The following GRIN2A variants were observed in gnomAD, a reference collection of about 807,000 sequenced individuals.
GRIN2A encodes the protein glutamate receptor ionotropic, NMDA 2A.
Under a neutral mutation model 113.4 loss-of-function variants are expected in GRIN2A, and 22 were observed. The observed-to-expected ratio is 0.19, with a 90% confidence interval of 0.14 to 0.28. The LOEUF (loss-of-function observed/expected upper bound fraction) is 0.28. Among genes scored for constraint, GRIN2A ranks in the 10% least tolerant of loss-of-function variants. GRIN2A has a pLI of 1.00. For synonymous variants in GRIN2A, 827 were observed against 738.4 expected (o/e 1.12, Z -1.94); for missense variants, 1,502 against 1,887.0 (o/e 0.80, Z 3.78).
At chr16:9,845,013 G>T (rs2042746902) in intron 5 of GRIN2A, among the ~76,000 whole-genome samples, 1 of 152,134 alleles carries the variant, frequency 6.6e-6, no homozygotes. Flanking sequence ...CAACTGATCA[G>T]CCTTCCTCAA....
intron 2 of GRIN2A, among the ~76,000 whole-genome samples, chr16:10,150,430 G>A (rs1475407664): frequency 2.0e-5 from 3 of 152,110 alleles, no homozygotes; most frequent in Non-Finnish European, 4.4e-5. Flanking sequence ...GGTATCTCCT[G>A]TTTTCAGGAG....
chr16:10,101,765 G>C (rs1054534034), intron 2 of GRIN2A, among the ~76,000 whole-genome samples: 2 of 152,202 alleles, frequency 1.3e-5, no homozygotes, highest in African/African-American at 4.8e-5. Context: ...AGGGAGACAA[G>C]AGAAAAAGCA....
At chr16:9,814,577 T>A (rs2042150850) in intron 10 of GRIN2A, among the ~76,000 whole-genome samples, 1 of 152,146 alleles carries the variant, frequency 6.6e-6, no homozygotes, top group South Asian at 2.1e-4. Context: ...TTGCCACATC[T>A]CCACCCATCC....
intron 2 of GRIN2A, among the ~76,000 whole-genome samples, chr16:10,061,559 T>C (rs2047550707): frequency 6.6e-6 from 1 of 152,094 alleles, no homozygotes; most frequent in South Asian, 2.1e-4. Context: ...AAAAGCAAAA[T>C]TTTCTCCCTT....
At chr16:9,972,654 G>A (rs922992680) in intron 2 of GRIN2A, among the ~76,000 whole-genome samples, 1 of 152,234 alleles carries the variant, frequency 6.6e-6, no homozygotes, top group African/African-American at 2.4e-5. Context: ...GAATGAAGAT[G>A]ACATAGGCAG....
At chr16:10,011,548 G>T (rs1001979512) in intron 2 of GRIN2A, among the ~76,000 whole-genome samples, 1 of 152,114 alleles carries the variant, frequency 6.6e-6, no homozygotes, top group Non-Finnish European at 1.5e-5. Flanking sequence ...ACAAGGTCAG[G>T]GCCGATTCAC....
chr16:10,063,641 A>C (rs1368239783), intron 2 of GRIN2A, among the ~76,000 whole-genome samples: 1 of 152,254 alleles, frequency 6.6e-6, no homozygotes, highest in African/African-American at 2.4e-5. Flanking sequence ...TGAATGAATA[A>C]ATAATTCTCA....
At chr16:10,020,144 T>G (rs932550105) in intron 2 of GRIN2A, among the ~76,000 whole-genome samples, 24 of 152,308 alleles carry the variant, frequency 1.6e-4, no homozygotes, top group African/African-American at 5.8e-4. Context: ...CCAGGTGCAG[T>G]GGCTCACGCC....
At chr16:10,090,198 G>C (rs1449629256) in intron 2 of GRIN2A, among the ~76,000 whole-genome samples, 3 of 151,792 alleles carry the variant, frequency 2.0e-5, no homozygotes, top group Non-Finnish European at 2.9e-5. Flanking sequence ...CAAGAGGGAG[G>C]GGTTTCCAGT....
chr16:9,956,582 G>A lies in GRIN2A; in HGVS notation c.415-18031C>T, dbSNP rs564096762. Among the ~76,000 whole-genome samples, 4 of 152,290 alleles carry A rather than the reference G, an allele frequency of 2.6e-5. No individual in the cohort carries two copies. In the South Asian group the frequency reaches 8.3e-4, roughly 32 times the overall value. The stretch of plus-strand genomic sequence containing the variant: ...TGGACCAGGTACAGTGCTGAAGGCT[G>A]AGAATCCAGTAGTGAACAAAAACAG... On this transcript the variant is annotated intron_variant, in intron 2 of 12. Coordinates refer to ENST00000330684, the MANE Select transcript of GRIN2A (RefSeq NM_001134407.3).
At chr16:9,958,293 G>T (rs1359469558) in intron 2 of GRIN2A, among the ~76,000 whole-genome samples, 1 of 152,066 alleles carries the variant, frequency 6.6e-6, no homozygotes, top group East Asian at 1.9e-4. Context: ...CTTGAATGCT[G>T]ACTTGCCACA....
intron 2 of GRIN2A, among the ~76,000 whole-genome samples, chr16:10,101,446 G>A (rs369362220): frequency 2.0e-5 from 3 of 152,192 alleles, no homozygotes; most frequent in African/African-American, 7.2e-5. Flanking sequence ...AAACCTCCGA[G>A]CGCCGTGGAA....
chr16:9,920,512 C>G (rs554490364), intron 3 of GRIN2A, among the ~76,000 whole-genome samples: 2 of 151,686 alleles, frequency 1.3e-5, no homozygotes, highest in African/African-American at 4.8e-5. Context: ...ATCTTTTACA[C>G]TGAATGGAAA....
chr16:10,172,420 G>A (rs1041560397), intron 2 of GRIN2A, among the ~76,000 whole-genome samples: 9 of 152,344 alleles, frequency 5.9e-5, no homozygotes, highest in East Asian at 1.9e-4. Flanking sequence ...TAGATCTGCC[G>A]TCTTATCCAG....
At chr16:9,844,681 C>T (rs545900947) in intron 5 of GRIN2A, among the ~76,000 whole-genome samples, 1 of 152,296 alleles carries the variant, frequency 6.6e-6, no homozygotes, top group South Asian at 2.1e-4. Context: ...GAGCTGTGTC[C>T]AGGTCCTGGG....
intron 7 of GRIN2A, among the ~76,000 whole-genome samples, chr16:9,835,396 C>T (rs2042568575): frequency 6.6e-6 from 1 of 152,086 alleles, no homozygotes; most frequent in Non-Finnish European, 1.5e-5. Flanking sequence ...AGCCTTGTAA[C>T]ACTCTAGAAA....
intron 9 of GRIN2A, among the ~76,000 whole-genome samples, chr16:9,826,593 T>C (rs1294718581): frequency 6.6e-6 from 1 of 152,228 alleles, no homozygotes; most frequent in African/African-American, 2.4e-5. Flanking sequence ...TGATTCAATA[T>C]TGATTTTTTT....
chr16:10,015,284 G>A (rs12917644), intron 2 of GRIN2A, among the ~76,000 whole-genome samples: 3,360 of 88,160 alleles, frequency 0.038, 7 homozygotes, highest in Middle Eastern at 0.053. Context: ...AAAAAAAAAA[G>A]AAAAAGAAAG....
At chr16:10,090,918 T>C (rs1041338489) in intron 2 of GRIN2A, among the ~76,000 whole-genome samples, 4 of 152,230 alleles carry the variant, frequency 2.6e-5, no homozygotes, top group South Asian at 4.1e-4. Flanking sequence ...GAAATACACA[T>C]GGCCAATAAG....
Sources: allele counts gnomAD v4.1 joint callset (sites outside exome capture counted in the v4.1 genomes callset), GRCh38; gene constraint gnomAD v4.1.1; transcripts MANE v1.5; gene names NCBI Gene and HGNC (gene_info 2026-07-23, HGNC 2026-07-21).